Variants in ZFYVE26 observed in about 807,000 individuals in gnomAD.
ZFYVE26 encodes the protein zinc finger FYVE-type containing 26.
ZFYVE26 carries 181 observed loss-of-function variants against 276.5 expected under a neutral mutation model. The ratio of observed to expected loss-of-function variants is 0.65; its 90% CI spans 0.58 to 0.74. ZFYVE26 has a LOEUF of 0.74. Among genes scored for constraint, ZFYVE26 ranks in the 30% least tolerant of loss-of-function variants. ZFYVE26 has a pLI of 0.00. For missense variants in ZFYVE26, 2,821 were observed against 3,097.9 expected (o/e 0.91, Z 2.12); for synonymous variants, 1,129 against 1,203.1 (o/e 0.94, Z 1.27).
chr14:67,778,896 G>A (rs1277964447), intron 23 of ZFYVE26, among the ~76,000 whole-genome samples: 1 of 152,172 alleles, frequency 6.6e-6, no homozygotes, highest in African/African-American at 2.4e-5. Flanking sequence ...TGCCCTGCCT[G>A]TGCTCCCACA....
intron 13 of ZFYVE26, among the ~76,000 whole-genome samples, chr14:67,741,297 T>A (rs2038413247): frequency 6.6e-6 from 1 of 152,248 alleles, no homozygotes; most frequent in African/African-American, 2.4e-5. Context: ...CAGAGCCTTA[T>A]GTATTTGTAA....
rs757514981 is a variant in ZFYVE26 at position 67,754,083 on chromosome 14, A to G, written c.7116T>C (p.Asp2372=). 2.0e-5 allele frequency: 33 copies of G among 1,614,160 alleles called. No homozygotes were observed. In the South Asian group the frequency reaches 3.3e-4, roughly 16 times the overall value. The part of the protein sequence containing the change: ...TLFGNNHMKM[D]VACKVMLGGK... The stretch of plus-strand genomic sequence containing the variant: ...ACGCTGCATGTACCTTGCAGGCAAC[A>G]TCCATTTTCATGTGGTTATTTCCAA... Residue 2372 remains aspartate, a synonymous_variant, in exon 38 of 42, where the codon GAT becomes GAC. Coordinates refer to ENST00000347230, the MANE Select transcript of ZFYVE26 (RefSeq NM_015346.4).
Position 67,766,288 on chromosome 14 carries a change from AC to A in ZFYVE26, c.5949del (p.Phe1984SerfsTer5), listed in dbSNP as rs746330430. On this transcript the variant is annotated frameshift_variant, in exon 32 of 42. Transcript: ENST00000347230. LOFTEE classifies it high-confidence loss of function. Reference protein sequence around the residue: ...GLLTDIMKQLLFSAKMMFVKA... With the variant: ...GLLTDIMKQLXFSAKMMFVKA... ...TTGACGAACATCATCTTGGCGCTGA[AC>A]AGCAGCTGCTTCATGATGTCCGTGA... The A allele has an allele frequency of 6.2e-7, 1 of 1,613,958 alleles. No homozygotes were observed. Among genetic ancestry groups the A allele is most frequent in the South Asian group, 1.1e-5 (1 of 91,068 alleles).
intron 9 of ZFYVE26, 119 bp from the exon 10 acceptor site, chr14:67,802,401 T>C (rs1448189493): frequency 2.0e-6 from 2 of 1,010,548 alleles, no homozygotes; most frequent in East Asian, 2.6e-5. Flanking sequence ...TCTTACCCTC[T>C]CTCCTTTCTG....
At chr14:67,809,049 C>T in intron 4 of ZFYVE26, 151 bp downstream of exon 4, 1 of 731,584 alleles carries the variant, frequency 1.4e-6, no homozygotes, top group Non-Finnish European at 2.4e-6. Flanking sequence ...TACCCTAACT[C>T]TAAACTCTCC....
At chr14:67,750,195 C>G (rs1414967076) in intron 41 of ZFYVE26, among the ~76,000 whole-genome samples, 1 of 152,140 alleles carries the variant, frequency 6.6e-6, no homozygotes, top group Non-Finnish European at 1.5e-5. Flanking sequence ...GAATTTCATC[C>G]TTTCTGACAT....
chr14:67,801,318 G>A (rs2040074268), intron 10 of ZFYVE26, among the ~76,000 whole-genome samples: 1 of 151,944 alleles, frequency 6.6e-6, no homozygotes, highest in Admixed American at 6.6e-5. Context: ...CTTTGTAAAT[G>A]TTACATTGTT....
chr14:67,749,598 C>T (rs972426811), intron 41 of ZFYVE26, among the ~76,000 whole-genome samples: 3 of 152,170 alleles, frequency 2.0e-5, no homozygotes, highest in Admixed American at 6.5e-5. Flanking sequence ...GGAGGGGACT[C>T]GCCTTGCTTC....
intron 35 of ZFYVE26, 148 bp from the exon 36 acceptor site, chr14:67,756,293 G>A: frequency 1.2e-6 from 1 of 860,014 alleles, no homozygotes; most frequent in Non-Finnish European, 1.9e-6. Context: ...AGATACCTTT[G>A]AGAATCTCAT....
intron 13 of ZFYVE26, among the ~76,000 whole-genome samples, chr14:67,731,586 T>C (rs1778771164): frequency 6.6e-6 from 1 of 151,992 alleles, no homozygotes; most frequent in African/African-American, 2.4e-5. Flanking sequence ...CTTAAATATG[T>C]AATAAAATAT....
At chr14:67,797,815 C>G in intron 11 of ZFYVE26, 60 bp from the exon 12 acceptor site, 1 of 1,604,652 alleles carries the variant, frequency 6.2e-7, no homozygotes, top group Non-Finnish European at 8.5e-7. Flanking sequence ...TTGGCCCTTT[C>G]TTGGCATAAC....
At chr14:67,760,625 G>A (rs1022220567) in intron 35 of ZFYVE26, among the ~76,000 whole-genome samples, 3 of 152,188 alleles carry the variant, frequency 2.0e-5, no homozygotes, top group African/African-American at 7.2e-5. Context: ...CTACTCAGTA[G>A]GATGAGGTTG....
intron 10 of ZFYVE26, among the ~76,000 whole-genome samples, chr14:67,801,758 T>A (rs2040082679): frequency 1.3e-5 from 2 of 152,344 alleles, no homozygotes; most frequent in South Asian, 4.1e-4. Flanking sequence ...CACATACATA[T>A]GTAAACACAC....
intron 32 of ZFYVE26, among the ~76,000 whole-genome samples, chr14:67,763,578 G>A (rs1385732706): frequency 6.6e-6 from 1 of 152,228 alleles, no homozygotes; most frequent in African/African-American, 2.4e-5. Context: ...GTGGGTAGAA[G>A]GCTATACCCT....
chr14:67,798,890 C>T (rs1006912337), intron 10 of ZFYVE26: 4 of 897,936 alleles, frequency 4.5e-6, no homozygotes, highest in Non-Finnish European at 6.7e-6. Flanking sequence ...TTTTGGCCAC[C>T]AGGCCCCGCC....
intron 16 of ZFYVE26, among the ~76,000 whole-genome samples, chr14:67,786,884 GCAA>G (rs2039673342): frequency 6.6e-6 from 1 of 152,198 alleles, no homozygotes; most frequent in African/African-American, 2.4e-5. Flanking sequence ...CCAATCATTA[GCAA>G]CAACTTGGAT....
At position 67,786,001 on chromosome 14, in the gene ZFYVE26, C is replaced by G. The variant is rs768883837; in HGVS notation, c.3161G>C (p.Gly1054Ala). The change falls in exon 18 of 42, where the codon GGA (glycine) becomes GCA (alanine). Residue 1054 changes from glycine (G) to alanine (A), a missense_variant. By Grantham distance (60) the Gly-to-Ala change is moderately conservative. Coordinates refer to ENST00000347230, the MANE Select transcript of ZFYVE26 (RefSeq NM_015346.4). The stretch of plus-strand genomic sequence containing the variant: ...AGTGATGCTGCACCGTGGAGGGCCT[C>G]CTCCCTTTTCTTCCACACTCTCTAT... ...TKSESVEEKG[G>A]GPPRCSITEL... 6.2e-7 allele frequency: 1 copy of G among 1,614,186 alleles called. No individual in the cohort carries two copies. Among genetic ancestry groups the G allele is most frequent in the South Asian group, 1.1e-5 (1 of 91,084 alleles).
At chr14:67,751,362 C>G (rs2038637635) in intron 40 of ZFYVE26, 1 of 540,684 alleles carries the variant, frequency 1.8e-6, no homozygotes, top group South Asian at 2.0e-5. Context: ...CTTAGGCAAC[C>G]TGGTGGTCCC....
intron 9 of ZFYVE26, among the ~76,000 whole-genome samples, chr14:67,803,719 A>G (rs182933092): frequency 5.2e-4 from 79 of 152,298 alleles, no homozygotes; most frequent in African/African-American, 1.8e-3. Context: ...GGCACAAAAC[A>G]TGCTATCAGA....
Sources: allele counts gnomAD v4.1 joint callset (sites outside exome capture counted in the v4.1 genomes callset), GRCh38; gene constraint gnomAD v4.1.1; transcripts MANE v1.5; gene names NCBI Gene and HGNC (gene_info 2026-07-23, HGNC 2026-07-21).